HPSE2: variants seen among roughly 807,000 people sequenced by gnomAD.
The protein encoded by HPSE2 is heparanase 2 (inactive).
In HPSE2, 38 loss-of-function variants were observed where a neutral mutation model predicts 60.5. That is an observed-to-expected ratio of 0.63 (90% CI 0.48 to 0.82). HPSE2 has a LOEUF of 0.82. Among genes scored for constraint, HPSE2 ranks in the 40% least tolerant of loss-of-function variants. HPSE2 has a pLI of 0.00. For synonymous variants in HPSE2, 295 were observed against 293.2 expected (o/e 1.01, Z -0.06); for missense variants, 713 against 740.4 (o/e 0.96, Z 0.43).
chr10:98,732,991 C>T (rs1204412855), intron 4 of HPSE2, among the ~76,000 whole-genome samples: 1 of 152,140 alleles, frequency 6.6e-6, no homozygotes, highest in Non-Finnish European at 1.5e-5. Flanking sequence ...GTAGAAATGG[C>T]TAGTAAGTAC....
chr10:98,988,005 A>T (rs1426777610), intron 3 of HPSE2, among the ~76,000 whole-genome samples: 1 of 152,228 alleles, frequency 6.6e-6, no homozygotes, highest in Non-Finnish European at 1.5e-5. Context: ...GGATACAAAC[A>T]AATGGAAGAA....
At chr10:98,775,834 A>T (rs1053655006) in intron 3 of HPSE2, among the ~76,000 whole-genome samples, 2 of 152,162 alleles carry the variant, frequency 1.3e-5, no homozygotes, top group African/African-American at 4.8e-5. Flanking sequence ...ATGTGAAAAA[A>T]TAAATTCATC....
chr10:98,754,894 A>G (rs764990995), intron 3 of HPSE2, among the ~76,000 whole-genome samples: 2 of 151,942 alleles, frequency 1.3e-5, no homozygotes, highest in East Asian at 2.0e-4. Flanking sequence ...AGTACTAAAC[A>G]TGAAAACAAA....
At chr10:98,918,735 C>T (rs897422032) in intron 3 of HPSE2, among the ~76,000 whole-genome samples, 6 of 145,332 alleles carry the variant, frequency 4.1e-5, no homozygotes, top group East Asian at 2.1e-4. Flanking sequence ...TGCTAAATGA[C>T]GAGTTAATGG....
chr10:99,175,270 A>G (rs1252991018), intron 2 of HPSE2, among the ~76,000 whole-genome samples: 3 of 152,114 alleles, frequency 2.0e-5, no homozygotes, highest in Non-Finnish European at 1.5e-5. Context: ...CAGCGAGACA[A>G]AACTGTTTAC....
chr10:98,953,892 T>G lies in HPSE2; in HGVS notation c.610+190346A>C, dbSNP rs528609529. 2.6e-5 allele frequency among the ~76,000 whole-genome samples: 4 copies of G among 152,280 alleles called. No homozygotes were observed. In the South Asian group the frequency reaches 8.3e-4, roughly 32 times the overall value. The stretch of plus-strand genomic sequence containing the variant: ...TGGAAATAACACCTCCAAATTCATG[T>G]TTTTGCCAGGATTGAAAAGGTACCA... On this transcript the variant is annotated intron_variant, in intron 3 of 11. Coordinates refer to ENST00000370552, the MANE Select transcript of HPSE2 (RefSeq NM_021828.5).
rs1325777976 is a variant in HPSE2, at chr10:98,904,123, G to GA, written c.611-160068dup. On this transcript the variant is annotated intron_variant, in intron 3 of 11. Coordinates refer to ENST00000370552, the MANE Select transcript of HPSE2 (RefSeq NM_021828.5). Reference sequence around the variant, plus strand: ...GTATTATAGTACACTGTGATATATCGATATTTTAGAAATAATCATTGATTT... The same window carrying GA: ...GTATTATAGTACACTGTGATATATCGAATATTTTAGAAATAATCATTGATTT... Among the ~76,000 whole-genome samples, 6 of 152,120 alleles carry GA rather than the reference G, an allele frequency of 3.9e-5. No homozygotes were observed. In the East Asian group the frequency reaches 1.2e-3, roughly 29 times the overall value.
At chr10:98,460,705 T>C (rs1404687433) in intron 11 of HPSE2, among the ~76,000 whole-genome samples, 1 of 152,258 alleles carries the variant, frequency 6.6e-6, no homozygotes, top group Non-Finnish European at 1.5e-5. Context: ...GCATTTGTGA[T>C]CACAATTCAT....
At chr10:98,539,015 C>T (rs559813268) in intron 9 of HPSE2, among the ~76,000 whole-genome samples, 28 of 152,272 alleles carry the variant, frequency 1.8e-4, no homozygotes, top group African/African-American at 4.8e-4. Flanking sequence ...CTCCTAGCAG[C>T]GCCAAACAGA....
chr10:99,125,469 T>C (rs1845126528), intron 3 of HPSE2, among the ~76,000 whole-genome samples: 1 of 152,216 alleles, frequency 6.6e-6, no homozygotes, highest in Admixed American at 6.5e-5. Context: ...GATACTGGGT[T>C]AATACACAGT....
chr10:98,711,988 T>G (rs546504546), intron 5 of HPSE2, among the ~76,000 whole-genome samples: 1 of 152,190 alleles, frequency 6.6e-6, no homozygotes, highest in African/African-American at 2.4e-5. Flanking sequence ...TGGACTATAC[T>G]TCTGACAAAT....
chr10:99,235,778 C>T lies in HPSE2; in HGVS notation c.25G>A (p.Glu9Lys), dbSNP rs771071247. The change falls in exon 1 of 12, where the codon GAA becomes AAA. Residue 9 changes from glutamate to lysine, a missense_variant. Physicochemically the swap from Glu to Lys is moderately conservative, Grantham distance 56. Transcript: ENST00000370552. MRVLCAFP[E>K]AMPSSNSRPP... The stretch of plus-strand genomic sequence containing the variant: ...CGGGAGTTGCTGGAGGGCATGGCTT[C>T]AGGGAAGGCACAAAGCACCCTCATT... 2 of 1,613,734 alleles carry T rather than the reference C, an allele frequency of 1.2e-6. No individual in the cohort carries two copies. The highest frequency in any genetic ancestry group is 2.2e-5 in the South Asian group (2 of 91,060).
intron 2 of HPSE2, among the ~76,000 whole-genome samples, chr10:99,166,244 T>C (rs904025378): frequency 6.6e-6 from 1 of 152,240 alleles, no homozygotes; most frequent in Admixed American, 6.5e-5. Flanking sequence ...TTTTCGAGAA[T>C]GAATATATAG....
chr10:99,073,573 G>A (rs1459526585), intron 3 of HPSE2, among the ~76,000 whole-genome samples: 6 of 152,088 alleles, frequency 3.9e-5, no homozygotes, highest in African/African-American at 9.7e-5. Flanking sequence ...AACCACCATC[G>A]CACACGTTTA....
chr10:99,252,470 A>G, the HPSE2 span, among the ~76,000 whole-genome samples: 2 of 152,206 alleles, frequency 1.3e-5, no homozygotes, highest in Non-Finnish European at 2.9e-5. Context: ...TGACTTTGGC[A>G]ATGTTTCAGG....
intron 2 of HPSE2, among the ~76,000 whole-genome samples, chr10:99,189,407 T>C (rs991339973): frequency 6.6e-6 from 1 of 152,204 alleles, no homozygotes; most frequent in East Asian, 1.9e-4. Context: ...CTTTTCCACA[T>C]GTCAGAGTAG....
intron 9 of HPSE2, among the ~76,000 whole-genome samples, chr10:98,576,211 A>G (rs1426458624): frequency 1.3e-5 from 2 of 152,188 alleles, no homozygotes; most frequent in Admixed American, 1.3e-4. Flanking sequence ...GTCATGGAAG[A>G]GCACAAATCA....
At chr10:98,486,746 A>T (rs1383593008) in intron 10 of HPSE2, among the ~76,000 whole-genome samples, 1 of 152,160 alleles carries the variant, frequency 6.6e-6, no homozygotes, top group Non-Finnish European at 1.5e-5. Flanking sequence ...AATGTGCTTG[A>T]AACTGGGTTG....
At chr10:99,289,488 G>A in the HPSE2 span, among the ~76,000 whole-genome samples, 1 of 152,016 alleles carries the variant, frequency 6.6e-6, no homozygotes, top group Non-Finnish European at 1.5e-5. Flanking sequence ...TTTTTAGAAT[G>A]CAGTTTATAT....
Sources: allele counts gnomAD v4.1 joint callset (sites outside exome capture counted in the v4.1 genomes callset), GRCh38; gene constraint gnomAD v4.1.1; transcripts MANE v1.5; gene names NCBI Gene and HGNC (gene_info 2026-07-23, HGNC 2026-07-21).